PRSS55: variants seen among roughly 807,000 people sequenced by gnomAD.
The protein encoded by PRSS55 is serine protease 55.
Under a neutral mutation model 23.6 loss-of-function variants are expected in PRSS55, and 41 were observed. That is an observed-to-expected ratio of 1.74 (90% CI 1.35 to 2.26). The LOEUF (loss-of-function observed/expected upper bound fraction) is 2.26, where lower values mean the gene tolerates loss of function less well. PRSS55 is among the 30% of genes most tolerant of loss of function. The pLI is 0.00. For synonymous variants in PRSS55, 262 were observed against 175.5 expected, an observed-to-expected ratio of 1.49 and a Z score of -3.90; for missense variants, 669 against 439.1, an observed-to-expected ratio of 1.52 and a Z score of -4.68.
downstream of PRSS55, among the ~76,000 whole-genome samples, chr8:10,542,152 A>G (rs995927410): frequency 2.0e-5 from 3 of 152,136 alleles, no homozygotes; most frequent in Non-Finnish European, 2.9e-5. Context: ...GTCAATTGTG[A>G]TTAGTTAGGC....
At chr8:10,533,097 A>G in intron 4 of PRSS55, 49 bp downstream of exon 4, 1 of 1,594,510 alleles carries the variant, frequency 6.3e-7, no homozygotes, top group Non-Finnish European at 8.6e-7. Context: ...ACCCTCTGGG[A>G]ACTGCCAGTG....
chr8:10,546,128 C>G (rs907671672), intron 4 of PRSS55, among the ~76,000 whole-genome samples: 2 of 152,156 alleles, frequency 1.3e-5, no homozygotes, highest in Non-Finnish European at 2.9e-5. Flanking sequence ...TGAGCTGAGC[C>G]AGCTTCCAGA....
intron 3 of PRSS55, 97 bp from the exon 4 acceptor site, chr8:10,532,809 G>A: frequency 2.0e-6 from 3 of 1,483,606 alleles, no homozygotes; most frequent in Admixed American, 3.6e-5. Flanking sequence ...GGGGATGGGG[G>A]CTGGGGGACA....
At chr8:10,534,803 A>T (rs1405951916) in intron 4 of PRSS55, among the ~76,000 whole-genome samples, 1 of 152,246 alleles carries the variant, frequency 6.6e-6, no homozygotes, top group African/African-American at 2.4e-5. Context: ...ATATGGTTCT[A>T]TACCTGGAAA....
At chr8:10,532,066 A>C (rs1004030050) in intron 3 of PRSS55, among the ~76,000 whole-genome samples, 1 of 152,242 alleles carries the variant, frequency 6.6e-6, no homozygotes, top group South Asian at 2.1e-4. Flanking sequence ...CCCCAAAAAA[A>C]CCCAACAAAA....
chr8:10,527,549 A>T (rs1157120180), intron 1 of PRSS55, among the ~76,000 whole-genome samples: 1 of 152,258 alleles, frequency 6.6e-6, no homozygotes. Flanking sequence ...GACACAGGTC[A>T]GGGAAGGCCA....
intron 3 of PRSS55, chr8:10,531,806 G>T: frequency 2.0e-6 from 1 of 500,526 alleles, no homozygotes. Context: ...TTTAAACTCT[G>T]CAGTTAGCCA....
chr8:10,543,424 C>CTTTTCTT (rs1563547200), downstream of PRSS55, among the ~76,000 whole-genome samples: 40 of 9,216 alleles, frequency 4.3e-3, no homozygotes, highest in African/African-American at 4.9e-3. Flanking sequence ...TTCTTTCTTT[C>CTTTTCTT]TTCCTTCCTT....
rs1398823070 is a variant in PRSS55 at position 10,529,264 on chromosome 8, G to A, written c.155-243G>A. On this transcript the variant is annotated intron_variant, in intron 1 of 4. Transcript: ENST00000328655. ...TGACTCTCCTGAGGTCACAAATGCT[G>A]GATAGAGTCAGAGCCAATGCTTCTG... The A allele has an allele frequency of 5.3e-6, 3 of 563,496 alleles. No homozygotes were observed. The African/African-American group carries it at 5.6e-5, about 11-fold the overall frequency. 34.9% of individuals were successfully genotyped at this position (563,496 alleles called of 1,614,324 possible). A position where few individuals can be genotyped will look rare whatever the true frequency, so the allele number is the denominator to read the frequency against.
At chr8:10,542,608 G>A (rs531304825), downstream of PRSS55, among the ~76,000 whole-genome samples, 3 of 151,984 alleles carry the variant, frequency 2.0e-5, no homozygotes, top group African/African-American at 7.2e-5. Flanking sequence ...GGTGGCTCAT[G>A]TCTAATCCCA....
chr8:10,547,056 C>T (rs1310974834), intron 4 of PRSS55, among the ~76,000 whole-genome samples: 1 of 152,198 alleles, frequency 6.6e-6, no homozygotes, highest in African/African-American at 2.4e-5. Context: ...CAGCAGATGG[C>T]AGTGGGCAGG....
intron 4 of PRSS55, among the ~76,000 whole-genome samples, chr8:10,549,681 T>C (rs1454553972): frequency 6.6e-6 from 1 of 152,184 alleles, no homozygotes; most frequent in Non-Finnish European, 1.5e-5. Context: ...CTGACGTCGG[T>C]TCCAACGCTC....
chr8:10,545,877 C>A (rs545087016), intron 4 of PRSS55, among the ~76,000 whole-genome samples: 2 of 152,146 alleles, frequency 1.3e-5, no homozygotes, highest in African/African-American at 4.8e-5. Flanking sequence ...CAGAACCGGC[C>A]CAGTAAGAGG....
chr8:10,547,091 C>T (rs55894133), intron 4 of PRSS55, among the ~76,000 whole-genome samples: 82,090 of 151,668 alleles, frequency 0.54, 23,890 homozygotes, highest in South Asian at 0.7. Flanking sequence ...TCTGGCTTCA[C>T]GGAGCCATGA....
At chr8:10,553,999 G>A (rs568815105) in exon 5 of PRSS55, 294 of 1,531,358 alleles carry the variant, frequency 1.9e-4, no homozygotes, top group Middle Eastern at 1.2e-3. Flanking sequence ...AAACAAAGCC[G>A]CCTGGGTCTC....
intron 2 of PRSS55, among the ~76,000 whole-genome samples, chr8:10,530,868 A>T (rs1162174805): frequency 6.6e-6 from 1 of 152,130 alleles, no homozygotes; most frequent in East Asian, 1.9e-4. Flanking sequence ...GTCTAGACTA[A>T]CTTCTGGTCC....
At chr8:10,542,419 G>GAA (rs1554584731), downstream of PRSS55, among the ~76,000 whole-genome samples, 3 of 133,502 alleles carry the variant, frequency 2.2e-5, no homozygotes, top group Admixed American at 7.4e-5. Flanking sequence ...CCATGCGGGG[G>GAA]AAAAAAAAAA....
intron 4 of PRSS55, among the ~76,000 whole-genome samples, chr8:10,536,082 G>T (rs1053071580): frequency 3.3e-5 from 5 of 152,012 alleles, no homozygotes; most frequent in African/African-American, 1.2e-4. Flanking sequence ...GCTACTCGGG[G>T]GGCTGAGGCA....
intron 3 of PRSS55, 39 bp from the exon 4 acceptor site, chr8:10,532,867 G>GC: frequency 6.2e-7 from 1 of 1,613,062 alleles, no homozygotes; most frequent in Non-Finnish European, 8.5e-7. Flanking sequence ...GGGACATGAG[G>GC]CCCAGTGGCT....
Sources: gnomAD v4.1 joint callset for allele counts (sites outside exome capture counted in the v4.1 genomes callset) on GRCh38, gnomAD v4.1.1 for gene constraint, MANE v1.5 for transcripts, NCBI Gene and HGNC (gene_info 2026-07-23, HGNC 2026-07-21) for gene names.